SKP2: variants seen among roughly 807,000 people sequenced by gnomAD.
SKP2 encodes S-phase kinase associated protein 2.
Under a neutral mutation model 51.8 loss-of-function variants are expected in SKP2, and 16 were observed. The ratio of observed to expected loss-of-function variants is 0.31; its 90% CI spans 0.21 to 0.47. The LOEUF is 0.47. Among genes scored for constraint, SKP2 ranks in the 20% least tolerant of loss-of-function variants. The pLI, the probability that SKP2 is intolerant of heterozygous loss-of-function variation, is 1.00. For synonymous variants in SKP2, 176 were observed against 198.6 expected (o/e 0.89, Z 0.96); for missense variants, 377 against 505.3 (o/e 0.75, Z 2.43).
At chr5:36,189,802 T>C (rs566255850) in intron 6 of SKP2, among the ~76,000 whole-genome samples, 4 of 152,340 alleles carry the variant, frequency 2.6e-5, no homozygotes, top group Non-Finnish European at 5.9e-5. Flanking sequence ...TGTTTGGCTA[T>C]GCCCTGCCCC....
At position 36,176,982 on chromosome 5, in the gene SKP2, A is replaced by G; in HGVS notation, c.919A>G (p.Arg307Gly). 2 of 1,597,798 alleles carry G rather than the reference A, an allele frequency of 1.3e-6. No homozygotes were observed. Among genetic ancestry groups the G allele is most frequent in the Non-Finnish European group, 1.7e-6 (2 of 1,169,194 alleles). The change falls in exon 8 of 10, where the codon AGA becomes GGA. Residue 307 changes from arginine to glycine, a missense_variant. By Grantham distance (125) the Arg-to-Gly change is moderately radical. Transcript: ENST00000274255. ...LQKSDLSTLV[R>G]RCPNLVHLDL... Reference sequence around the variant, plus strand: ...TTTCCTAGATCTCTCTACTTTAGTTAGAAGATGCCCCAATCTTGTCCATCT... The same window carrying G: ...TTTCCTAGATCTCTCTACTTTAGTTGGAAGATGCCCCAATCTTGTCCATCT...
chr5:36,186,969 T>C (rs1043944661), downstream of SKP2, among the ~76,000 whole-genome samples: 9 of 152,232 alleles, frequency 5.9e-5, no homozygotes, highest in African/African-American at 1.7e-4. Flanking sequence ...GGTTTAGTCT[T>C]GGGAGGATGT....
chr5:36,191,392 CTTTTT>C (rs201765544), intron 6 of SKP2, among the ~76,000 whole-genome samples: 5 of 122,130 alleles, frequency 4.1e-5, no homozygotes, highest in Admixed American at 8.6e-5. Context: ...TCATCAAGTT[CTTTTT>C]TTTTTTTTTT....
At chr5:36,172,087 G>T (rs1490811734) in intron 7 of SKP2, among the ~76,000 whole-genome samples, 1 of 152,160 alleles carries the variant, frequency 6.6e-6, no homozygotes, top group African/African-American at 2.4e-5. Context: ...TTCATTAGGG[G>T]CTATTTTGTC....
downstream of SKP2, among the ~76,000 whole-genome samples, chr5:36,185,283 T>G (rs1042367455): frequency 1.3e-5 from 2 of 152,200 alleles, no homozygotes; most frequent in Non-Finnish European, 2.9e-5. Flanking sequence ...ATTTGTCAAT[T>G]TTAGCTTTTG....
At chr5:36,177,087 T>C in intron 8 of SKP2, 71 bp downstream of exon 8, 2 of 1,348,570 alleles carry the variant, frequency 1.5e-6, no homozygotes, top group Non-Finnish European at 2.1e-6. Flanking sequence ...TGGGAAAGGA[T>C]CATAATGTTG....
chr5:36,171,799 C>T, intron 7 of SKP2, 66 bp downstream of exon 7: 9 of 1,496,668 alleles, frequency 6.0e-6, no homozygotes, highest in Non-Finnish European at 8.3e-6. Context: ...CATTGAGCTT[C>T]TCCTAATCAT....
intron 9 of SKP2, 57 bp from the exon 10 acceptor site, chr5:36,181,761 T>TA (rs1274560597): frequency 3.8e-6 from 6 of 1,591,568 alleles, no homozygotes; most frequent in Middle Eastern, 1.7e-4. Context: ...CATATAACTC[T>TA]AGTCAAACAG....
At chr5:36,190,837 A>T (rs1746007773) in intron 6 of SKP2, among the ~76,000 whole-genome samples, 1 of 152,124 alleles carries the variant, frequency 6.6e-6, no homozygotes, top group Admixed American at 6.5e-5. Context: ...ATAATATCAT[A>T]ACTATTTTGG....
At chr5:36,163,532 C>A in intron 2 of SKP2, 113 bp from the exon 3 acceptor site, 1 of 657,766 alleles carries the variant, frequency 1.5e-6, no homozygotes, top group Non-Finnish European at 2.8e-6. Context: ...TTAATTTGTG[C>A]TAAATTCCTC....
At chr5:36,165,222 A>G (rs1167252592) in intron 3 of SKP2, among the ~76,000 whole-genome samples, 1 of 152,198 alleles carries the variant, frequency 6.6e-6, no homozygotes, top group Non-Finnish European at 1.5e-5. Context: ...CTGCAGGGTC[A>G]GGAATAGTAG....
Position 36,166,568 on chromosome 5 carries a change from C to T in SKP2, c.442C>T (p.His148Tyr). ...QTLDLTGKNL[H>Y]PDVTGRLLSQ... ...CTTAGACCTCACAGGTAAAAATCTG[C>T]ACCCGGATGTGACTGGTCGGTTGCT... The change falls in exon 4 of 10, where the codon CAC (histidine) becomes TAC (tyrosine). Residue 148 changes from histidine (H) to tyrosine (Y), a missense_variant. By Grantham distance (83) the His-to-Tyr change is moderately conservative. This residue lies in a region of SKP2 where 262 missense variants were observed against 389.8 expected (regional missense o/e 0.67). Coordinates refer to ENST00000274255, the MANE Select transcript of SKP2 (RefSeq NM_005983.4). The T allele has an allele frequency of 1.2e-6, 2 of 1,613,900 alleles. No homozygotes were observed. The highest frequency in any genetic ancestry group is 2.2e-5 in the East Asian group (1 of 44,882).
intron 9 of SKP2, among the ~76,000 whole-genome samples, chr5:36,181,007 C>CCAAA (rs1413134704): frequency 1.3e-5 from 2 of 152,030 alleles, no homozygotes; most frequent in African/African-American, 4.8e-5. Flanking sequence ...ATTACCAACA[C>CCAAA]CAAACAGTAT....
At chr5:36,178,942 T>C (rs3804439) in intron 9 of SKP2, among the ~76,000 whole-genome samples, 32,898 of 152,044 alleles carry the variant, frequency 0.22, 5,333 homozygotes, top group African/African-American at 0.45. Context: ...ATGGTAATAC[T>C]TGGAGGCAGT....
chr5:36,185,526 T>G (rs1215349046), downstream of SKP2, among the ~76,000 whole-genome samples: 2 of 152,238 alleles, frequency 1.3e-5, no homozygotes, highest in African/African-American at 4.8e-5. Context: ...TCCCCATTTC[T>G]TATTTTTGTC....
chr5:36,182,351 T>C lies in SKP2; in HGVS notation c.*320T>C, dbSNP rs1745838024. On this transcript the variant is annotated 3_prime_UTR_variant, in exon 10 of 10. Transcript: ENST00000274255. ...CCAAGTGCCCTTCTTACTAAGTCTA[T>C]TCAGAATCAAGCTTAAAAATTACCA... 3 of 1,071,180 alleles carry C rather than the reference T, an allele frequency of 2.8e-6. No individual in the cohort carries two copies. In the African/African-American group the frequency reaches 5.1e-5, roughly 18 times the overall value. The allele number at this position is 1,071,180 out of a possible 1,614,324, so 66.4% of individuals were successfully genotyped here.
rs1436587113 is a variant in SKP2, at chr5:36,182,817, A to G, written c.*786A>G. The G allele has an allele frequency of 2.0e-6, 2 of 981,946 alleles. No homozygotes were observed. The highest frequency in any genetic ancestry group is 1.7e-5 in the African/African-American group (1 of 57,194). The allele number at this position is 981,946 out of a possible 1,614,324, so 60.8% of individuals were successfully genotyped here. A position where few individuals can be genotyped will look rare whatever the true frequency, so the allele number is the denominator to read the frequency against. On this transcript the variant is annotated 3_prime_UTR_variant, in exon 10 of 10. Coordinates refer to ENST00000274255, the MANE Select transcript of SKP2 (RefSeq NM_005983.4). The stretch of plus-strand genomic sequence containing the variant: ...TCTAACTTGATAATCAAATTATGTT[A>G]ACATGGGTCCTTTAGCTTTTAAAAT...
intron 2 of SKP2, among the ~76,000 whole-genome samples, chr5:36,162,064 C>T (rs1745137855): frequency 6.6e-6 from 1 of 152,204 alleles, no homozygotes; most frequent in Non-Finnish European, 1.5e-5. Context: ...GAAAACTGCG[C>T]TTCCTGCATC....
At chr5:36,178,843 G>A (rs1218670398) in intron 9 of SKP2, among the ~76,000 whole-genome samples, 1 of 151,994 alleles carries the variant, frequency 6.6e-6, no homozygotes, top group Non-Finnish European at 1.5e-5. Flanking sequence ...TCAAGCAGAG[G>A]CGAGGGGAAG....
Sources: gnomAD v4.1 joint callset for allele counts (sites outside exome capture counted in the v4.1 genomes callset) on GRCh38, gnomAD v4.1.1 for gene constraint, gnomAD v4.1.1 regional missense constraint, MANE v1.5 for transcripts, NCBI Gene and HGNC (gene_info 2026-07-23, HGNC 2026-07-21) for gene names.